The following AGPS variants were observed in gnomAD, a reference collection of about 807,000 sequenced individuals.
AGPS encodes the protein alkylglycerone phosphate synthase.
A neutral mutation model predicts 90.7 loss-of-function variants in AGPS; 26 were observed. The ratio of observed to expected loss-of-function variants is 0.29; its 90% CI spans 0.21 to 0.40. The LOEUF (loss-of-function observed/expected upper bound fraction) is 0.40, where lower values mean the gene tolerates loss of function less well. AGPS is among the 10% of genes least tolerant of loss of function. The probability of loss-of-function intolerance (pLI) is 1.00; values close to 1 mark genes in which losing one functional copy is unlikely to be tolerated. For missense variants in AGPS, 540 were observed against 816.1 expected, an observed-to-expected ratio of 0.66 and a Z score of 4.12; for synonymous variants, 294 against 285.3, an observed-to-expected ratio of 1.03 and a Z score of -0.31.
intron 15 of AGPS, among the ~76,000 whole-genome samples, chr2:177,506,957 A>C (rs984660899): frequency 2.0e-5 from 3 of 152,074 alleles, no homozygotes; most frequent in African/African-American, 7.2e-5. Flanking sequence ...CAGCATAGAC[A>C]CAATTTGGAG....
chr2:177,438,722 G>A (rs1254635496), intron 5 of AGPS, among the ~76,000 whole-genome samples: 1 of 152,102 alleles, frequency 6.6e-6, no homozygotes, highest in Non-Finnish European at 1.5e-5. Flanking sequence ...CATACTTCAA[G>A]AATCTGTATG....
intron 1 of AGPS, among the ~76,000 whole-genome samples, chr2:177,405,296 G>A (rs1435717497): frequency 6.6e-6 from 1 of 152,228 alleles, no homozygotes; most frequent in African/African-American, 2.4e-5. Context: ...GAAGGAAGTG[G>A]TGGTAGTCAT....
intron 1 of AGPS, 21 bp from the exon 2 acceptor site, chr2:177,420,248 T>C (rs751090708): frequency 4.8e-6 from 7 of 1,458,968 alleles, no homozygotes; most frequent in African/African-American, 4.2e-5. Context: ...GTCTCACTTA[T>C]ATATATTTTC....
chr2:177,436,026 TTTATAA>T (rs1335044062), intron 3 of AGPS, among the ~76,000 whole-genome samples: 1 of 152,134 alleles, frequency 6.6e-6, no homozygotes, highest in Non-Finnish European at 1.5e-5. Context: ...GAATATCAAG[TTTATAA>T]TTATGTTGTG....
chr2:177,467,334 C>T lies in AGPS; in HGVS notation c.997-1082C>T, dbSNP rs1687484032. Among the ~76,000 whole-genome samples, 3 of 152,076 alleles carry T rather than the reference C, an allele frequency of 2.0e-5. No individual in the cohort carries two copies. The South Asian group carries it at 6.2e-4, about 32-fold the overall frequency. On this transcript the variant is annotated intron_variant, in intron 9 of 19. Coordinates refer to ENST00000264167, the MANE Select transcript of AGPS (RefSeq NM_003659.4). Reference sequence around the variant, plus strand: ...GAGAATGCATGGTTTATTTAACTCCCTCTTAATGAACATTTAAATTATTCT... The same window carrying T: ...GAGAATGCATGGTTTATTTAACTCCTTCTTAATGAACATTTAAATTATTCT...
chr2:177,429,602 G>A (rs191261034), intron 2 of AGPS, among the ~76,000 whole-genome samples: 2 of 152,124 alleles, frequency 1.3e-5, no homozygotes, highest in African/African-American at 4.8e-5. Flanking sequence ...GGGATTGCTC[G>A]TGACCCTATT....
chr2:177,520,524 CTGTTTACTG>C (rs150816615), intron 17 of AGPS, among the ~76,000 whole-genome samples: 13,795 of 152,168 alleles, frequency 0.091, 889 homozygotes, highest in East Asian at 0.35. Flanking sequence ...TGCATCCCAT[CTGTTTACTG>C]TGGCAGTACA....
rs1301918528 is a variant in AGPS at position 177,513,807 on chromosome 2, A to G, written c.1608-12A>G. 3 of 1,592,126 alleles carry G rather than the reference A, an allele frequency of 1.9e-6. No individual in the cohort carries two copies. Among genetic ancestry groups the G allele is most frequent in the Non-Finnish European group, 2.6e-6 (3 of 1,160,432 alleles). ...TGAAAACTTAATATTGTATTCATTT[A>G]TCTTTTTTTAGGGTGGTAGATCTCT... is the stretch of plus-strand genomic sequence containing the variant. On this transcript the variant is annotated splice_polypyrimidine_tract_variant and intron_variant, in intron 16 of 19. Transcript: ENST00000264167.
At chr2:177,419,416 A>G (rs1340661493) in intron 1 of AGPS, among the ~76,000 whole-genome samples, 1 of 151,912 alleles carries the variant, frequency 6.6e-6, no homozygotes, top group African/African-American at 2.4e-5. Context: ...AATTTATTTC[A>G]GTAGCCAAGA....
intron 12 of AGPS, among the ~76,000 whole-genome samples, chr2:177,497,291 A>G (rs1285465592): frequency 6.6e-6 from 1 of 151,888 alleles, no homozygotes; most frequent in African/African-American, 2.4e-5. Flanking sequence ...AATAGTTTCT[A>G]TATAATTAAA....
At chr2:177,462,837 G>C (rs966686573) in intron 9 of AGPS, among the ~76,000 whole-genome samples, 2 of 152,162 alleles carry the variant, frequency 1.3e-5, no homozygotes, top group African/African-American at 2.4e-5. Context: ...TAAGGGACTT[G>C]AGTACTATGG....
chr2:177,436,882 A>G lies in AGPS; in HGVS notation c.560A>G (p.His187Arg), dbSNP rs1193429226. Residue 187 changes from histidine (H) to arginine (R), a missense_variant and splice_region_variant, in exon 4 of 20, where the codon CAT becomes CGT. His to Arg is a conservative substitution (Grantham distance 29). Around this residue, in one of 2 missense-constraint regions of AGPS, gnomAD observed 405 missense variants for 692.1 expected, o/e 0.59. Transcript: ENST00000264167. ...QEADDRVFRA[H>R]GHCLHEIFLL... ...GCAGATGATCGAGTATTTAGAGCTC[A>G]TGGTAAGTTACTTTATATTAGCCCT... The G allele has an allele frequency of 6.2e-7, 1 of 1,612,640 alleles. No homozygotes were observed. The highest frequency in any genetic ancestry group is 8.5e-7 in the Non-Finnish European group (1 of 1,179,038).
intron 9 of AGPS, among the ~76,000 whole-genome samples, chr2:177,467,834 A>G (rs938369049): frequency 4.6e-5 from 7 of 152,150 alleles, no homozygotes; most frequent in Non-Finnish European, 1.0e-4. Context: ...CTTCCCCAGT[A>G]TACTTACTTT....
At chr2:177,440,335 T>C (rs1686563337) in intron 5 of AGPS, among the ~76,000 whole-genome samples, 1 of 152,130 alleles carries the variant, frequency 6.6e-6, no homozygotes, top group Non-Finnish European at 1.5e-5. Flanking sequence ...GACATGTTCA[T>C]ATCATGTGCC....
At chr2:177,453,275 T>C (rs1026650609) in intron 8 of AGPS, among the ~76,000 whole-genome samples, 1 of 151,740 alleles carries the variant, frequency 6.6e-6, no homozygotes, top group Non-Finnish European at 1.5e-5. Context: ...GCTACTTTTT[T>C]TTTTTTTCTT....
chr2:177,478,099 A>G (rs1419545199), intron 10 of AGPS, among the ~76,000 whole-genome samples: 8 of 152,152 alleles, frequency 5.3e-5, no homozygotes, highest in Admixed American at 2.0e-4. Flanking sequence ...TTCATTTTCG[A>G]AAGATAACTG....
chr2:177,535,715 G>A (rs1345821789), intron 19 of AGPS, among the ~76,000 whole-genome samples: 1 of 152,176 alleles, frequency 6.6e-6, no homozygotes, highest in Non-Finnish European at 1.5e-5. Flanking sequence ...CTGTGAAGTA[G>A]TTGACTTAAA....
At chr2:177,490,889 T>G (rs1393820811) in intron 11 of AGPS, among the ~76,000 whole-genome samples, 1 of 146,440 alleles carries the variant, frequency 6.8e-6, no homozygotes, top group Admixed American at 7.0e-5. Flanking sequence ...GAGTTTTGCT[T>G]TTGTTGCCCA....
At chr2:177,419,638 T>C (rs1004460316) in intron 1 of AGPS, among the ~76,000 whole-genome samples, 1 of 151,916 alleles carries the variant, frequency 6.6e-6, no homozygotes. Context: ...TATGAAATAT[T>C]GGTATTTTGG....
Sources: gnomAD v4.1 joint callset for allele counts (sites outside exome capture counted in the v4.1 genomes callset) on GRCh38, gnomAD v4.1.1 for gene constraint, gnomAD v4.1.1 regional missense constraint, MANE v1.5 for transcripts, NCBI Gene and HGNC (gene_info 2026-07-23, HGNC 2026-07-21) for gene names.